The following RAD51B variants were observed in gnomAD, a reference collection of about 807,000 sequenced individuals.
RAD51B encodes the protein RAD51 paralog B, also known as DNA repair protein RAD51 homolog 2.
Under a neutral mutation model 42.2 loss-of-function variants are expected in RAD51B, and 38 were observed. The observed-to-expected ratio is 0.90, with a 90% CI of 0.70 to 1.18. RAD51B has a LOEUF of 1.18. Ranked by LOEUF, RAD51B falls within the 50% of genes most tolerant of loss-of-function variation. RAD51B has a pLI of 0.00. For missense variants in RAD51B, 373 were observed against 400.7 expected (o/e 0.93, Z 0.59); for synonymous variants, 154 against 145.2 (o/e 1.06, Z -0.43).
At chr14:68,671,026 C>G (rs979248942) in intron 11 of RAD51B, among the ~76,000 whole-genome samples, 2 of 152,196 alleles carry the variant, frequency 1.3e-5, no homozygotes, top group Non-Finnish European at 1.5e-5. Flanking sequence ...GCTGGCCCCC[C>G]CAAGATGGTA....
chr14:68,235,703 CAAAAAAAAAAAA>C lies in RAD51B; in HGVS notation c.757-56163_757-56152del, dbSNP rs57180468. On this transcript the variant is annotated intron_variant, in intron 7 of 10. Coordinates refer to ENST00000471583, the MANE Select transcript of RAD51B (RefSeq NM_133510.4). ...TGGGCGACAGAGCGAGACTCCGTCT[CAAAAAAAAAAAA>C]AAAAAAAAAAAAAAAAAGAGCTGAG... is the stretch of plus-strand genomic sequence containing the variant. Among the ~76,000 whole-genome samples the C allele has an allele frequency of 1.6e-3, 23 of 14,042 alleles. 1 individual carries two copies. Among genetic ancestry groups the C allele is most frequent in the Admixed American group, 4.1e-3 (4 of 972 alleles). 9.2% of individuals were successfully genotyped at this position (14,042 alleles called of 152,430 possible). A position where few individuals can be genotyped will look rare whatever the true frequency, so the allele number is the denominator to read the frequency against.
intron 8 of RAD51B, among the ~76,000 whole-genome samples, chr14:68,390,809 A>G (rs1242697634): frequency 2.0e-5 from 3 of 152,224 alleles, no homozygotes; most frequent in African/African-American, 4.8e-5. Context: ...TGTTTCACCA[A>G]CTACTCAGAT....
exon 11 of RAD51B, chr14:68,595,090 C>T (rs1397064449): frequency 1.9e-6 from 2 of 1,067,114 alleles, no homozygotes; most frequent in African/African-American, 1.6e-5. Context: ...TCCCCTCTGC[C>T]TAGATGAACC....
At chr14:68,224,137 G>T (rs1041715908) in intron 7 of RAD51B, among the ~76,000 whole-genome samples, 1 of 152,188 alleles carries the variant, frequency 6.6e-6, no homozygotes, top group Non-Finnish European at 1.5e-5. Context: ...AAAAGCAAAT[G>T]ACTTTGTTTT....
At chr14:68,491,621 G>A (rs1566911857) in intron 10 of RAD51B, among the ~76,000 whole-genome samples, 2 of 152,126 alleles carry the variant, frequency 1.3e-5, no homozygotes, top group African/African-American at 4.8e-5. Flanking sequence ...CAAGTGGGGG[G>A]GCACTGCAAG....
rs56112360 is a variant in RAD51B at position 68,575,257 on chromosome 14, G to A, written c.1037-19228G>A. 6.2e-3 allele frequency among the ~76,000 whole-genome samples: 948 copies of A among 152,278 alleles called. 8 individuals are homozygous for A. The highest frequency in any genetic ancestry group is 0.048 in the Middle Eastern group (14 of 294). On this transcript the variant is annotated intron_variant, in intron 10 of 10. Transcript: ENST00000487270. ...TTCCCAACTGGAAAGTGAGGGACTCGAGTCTCTGAGGGGTTAGGTGACTTT... is the reference window on the plus strand; with the variant it reads ...TTCCCAACTGGAAAGTGAGGGACTCAAGTCTCTGAGGGGTTAGGTGACTTT...
At chr14:68,399,140 G>C (rs934144405) in intron 8 of RAD51B, among the ~76,000 whole-genome samples, 7 of 152,038 alleles carry the variant, frequency 4.6e-5, no homozygotes, top group Non-Finnish European at 7.4e-5. Flanking sequence ...TCTCTGGAAA[G>C]GCCAACCTAC....
chr14:67,921,434 A>G (rs1398030699), intron 7 of RAD51B, among the ~76,000 whole-genome samples: 1 of 152,236 alleles, frequency 6.6e-6, no homozygotes, highest in Non-Finnish European at 1.5e-5. Flanking sequence ...TTGAACAAGT[A>G]CAAGCTATTA....
At chr14:68,497,198 C>A in intron 10 of RAD51B, 1 of 1,384,334 alleles carries the variant, frequency 7.2e-7, no homozygotes, top group Non-Finnish European at 9.6e-7. Flanking sequence ...TTTTCTGCCA[C>A]AGAAACAAAA....
chr14:68,606,276 G>C (rs1039616368), intron 10 of RAD51B, among the ~76,000 whole-genome samples: 5 of 152,144 alleles, frequency 3.3e-5, no homozygotes, highest in African/African-American at 7.2e-5. Flanking sequence ...ATTAGGAAGA[G>C]CCAAGCCAGG....
intron 4 of RAD51B, among the ~76,000 whole-genome samples, chr14:67,861,000 C>T (rs1211197595): frequency 6.6e-6 from 1 of 152,022 alleles, no homozygotes; most frequent in Non-Finnish European, 1.5e-5. Flanking sequence ...TCAAGACCAT[C>T]CTGGGCAACA....
chr14:68,584,083 G>T (rs534117824), intron 10 of RAD51B, among the ~76,000 whole-genome samples: 66 of 152,248 alleles, frequency 4.3e-4, no homozygotes, highest in African/African-American at 1.5e-3. Flanking sequence ...CACCCCCCAT[G>T]CTGGGGCTGG....
At chr14:68,173,691 A>AAGC (rs1192704450) in intron 7 of RAD51B, among the ~76,000 whole-genome samples, 2 of 152,202 alleles carry the variant, frequency 1.3e-5, no homozygotes, top group East Asian at 3.8e-4. Context: ...TGTCATATTG[A>AAGC]AGCAGCAGCA....
intron 9 of RAD51B, among the ~76,000 whole-genome samples, chr14:68,438,340 G>A (rs1466509470): frequency 6.6e-6 from 1 of 152,142 alleles, no homozygotes; most frequent in African/African-American, 2.4e-5. Context: ...GATCTGGAAG[G>A]GTGTGGGAAG....
At chr14:68,465,528 A>G (rs2140225938) in intron 9 of RAD51B, among the ~76,000 whole-genome samples, 1 of 152,318 alleles carries the variant, frequency 6.6e-6, no homozygotes, top group Non-Finnish European at 1.5e-5. Context: ...CTCAAAACCT[A>G]AAGAATCAGA....
intron 10 of RAD51B, among the ~76,000 whole-genome samples, chr14:68,537,315 G>A (rs1887688300): frequency 6.6e-6 from 1 of 151,774 alleles, no homozygotes; most frequent in Admixed American, 6.6e-5. Flanking sequence ...TGGCTAACAC[G>A]GTGAAACCCC....
intron 4 of RAD51B, among the ~76,000 whole-genome samples, chr14:67,852,647 C>T (rs1382711097): frequency 6.6e-6 from 1 of 152,160 alleles, no homozygotes; most frequent in Non-Finnish European, 1.5e-5. Flanking sequence ...TAGTCACAGA[C>T]AAACCTGATA....
intron 5 of RAD51B, among the ~76,000 whole-genome samples, chr14:67,869,969 C>T (rs546284419): frequency 5.1e-4 from 78 of 151,744 alleles, no homozygotes; most frequent in South Asian, 2.1e-4. Flanking sequence ...CGGTACCAGC[C>T]GCTGCAAAAT....
chr14:68,086,891 T>A (rs1243944732), intron 7 of RAD51B, among the ~76,000 whole-genome samples: 2 of 152,104 alleles, frequency 1.3e-5, no homozygotes, highest in Non-Finnish European at 2.9e-5. Flanking sequence ...ATCCCAGCAC[T>A]TTGGGAGGCC....
Sources: gnomAD v4.1 joint callset for allele counts (sites outside exome capture counted in the v4.1 genomes callset) on GRCh38, gnomAD v4.1.1 for gene constraint, MANE v1.5 for transcripts, NCBI Gene and HGNC (gene_info 2026-07-23, HGNC 2026-07-21) for gene names.